Variants in CLIC2 observed in about 807,000 individuals in gnomAD.
CLIC2 encodes chloride intracellular channel protein 2.
CLIC2 carries 9 observed loss-of-function variants against 14.8 expected under a neutral mutation model. The ratio of observed to expected loss-of-function variants is 0.61; its 90% CI spans 0.37 to 1.06. CLIC2 has a LOEUF of 1.06. CLIC2 is among the 50% of genes least tolerant of loss of function. The pLI, the probability that CLIC2 is intolerant of heterozygous loss-of-function variation, is 0.01. For synonymous variants in CLIC2, 61 were observed against 66.3 expected, an observed-to-expected ratio of 0.92 and a Z score of 0.39; for missense variants, 148 against 181.4, an observed-to-expected ratio of 0.82 and a Z score of 1.06.
At chrX:155,320,630 T>C (rs1557321513) in intron 1 of CLIC2, among the ~76,000 whole-genome samples, 1 of 111,052 alleles carries the variant, frequency 9.0e-6, no homozygotes, top group East Asian at 2.8e-4. Context: ...CGTCTGAAAA[T>C]TCCAAAAACC....
At chrX:155,297,855 G>T (rs1371148792) in intron 3 of CLIC2, among the ~76,000 whole-genome samples, 2 of 11,617 alleles carry the variant, frequency 1.7e-4, no homozygotes, top group Non-Finnish European at 3.2e-4. Flanking sequence ...GCGAGACTCC[G>T]GTCTCAAAAA....
chrX:155,315,427 A>G (rs1455515067), intron 1 of CLIC2, among the ~76,000 whole-genome samples: 2 of 112,219 alleles, frequency 1.8e-5, no homozygotes, highest in South Asian at 3.7e-4. Flanking sequence ...GAAACCCTAC[A>G]AGCTAAAAGG....
At chrX:155,297,704 AT>A (rs1171244156) in intron 3 of CLIC2, among the ~76,000 whole-genome samples, 1 of 97,871 alleles carries the variant, frequency 1.0e-5, no homozygotes, top group African/African-American at 3.7e-5. Flanking sequence ...AAAAAAAAAA[AT>A]TAGCCGGGCG....
At chrX:155,288,160 A>G (rs782599724) in intron 3 of CLIC2, among the ~76,000 whole-genome samples, 20 of 111,667 alleles carry the variant, frequency 1.8e-4, no homozygotes, top group Non-Finnish European at 3.2e-4. Flanking sequence ...GGTTGAGAGT[A>G]TGGGGTTTTC....
chrX:155,317,959 T>C (rs1396129539), intron 1 of CLIC2, among the ~76,000 whole-genome samples: 6 of 111,870 alleles, frequency 5.4e-5, no homozygotes, highest in Non-Finnish European at 1.1e-4. Flanking sequence ...AAAAATCACA[T>C]GATCATCTCA....
intron 1 of CLIC2, chrX:155,309,621 C>T (rs1557320342): frequency 3.8e-6 from 1 of 264,095 alleles, no homozygotes; most frequent in East Asian, 1.2e-4. Context: ...AGGTGAAAGG[C>T]ACATCTCACA....
chrX:155,331,557 T>A (rs2075156958), intron 1 of CLIC2, among the ~76,000 whole-genome samples: 1 of 111,590 alleles, frequency 9.0e-6, no homozygotes, highest in Non-Finnish European at 1.9e-5. Flanking sequence ...CCAACTACTG[T>A]GCTTTATACA....
At chrX:155,311,024 A>G (rs2075072428) in intron 1 of CLIC2, among the ~76,000 whole-genome samples, 1 of 111,681 alleles carries the variant, frequency 9.0e-6, no homozygotes, top group Non-Finnish European at 1.9e-5. Flanking sequence ...ATCATTTTTC[A>G]TTCTTAGGTC....
At chrX:155,283,474 C>T (rs1557316748) in intron 3 of CLIC2, among the ~76,000 whole-genome samples, 1 of 111,383 alleles carries the variant, frequency 9.0e-6, no homozygotes, top group Non-Finnish European at 1.9e-5. Flanking sequence ...TACATGTGCA[C>T]AACATGCAGG....
At chrX:155,303,940 C>A (rs1439233926) in intron 1 of CLIC2, among the ~76,000 whole-genome samples, 152 of 105,777 alleles carry the variant, frequency 1.4e-3, no homozygotes, top group African/African-American at 5.1e-3. Context: ...GGGTTTCTGC[C>A]GACAGATCCG....
At chrX:155,322,781 A>G (rs1330737478) in intron 1 of CLIC2, among the ~76,000 whole-genome samples, 7 of 111,652 alleles carry the variant, frequency 6.3e-5, no homozygotes, top group Non-Finnish European at 9.4e-5. Context: ...TTCTTTGAAA[A>G]GATGAACAAA....
At chrX:155,331,662 G>A (rs1262312323) in intron 1 of CLIC2, among the ~76,000 whole-genome samples, 1 of 111,136 alleles carries the variant, frequency 9.0e-6, no homozygotes, top group African/African-American at 3.3e-5. Context: ...GGCTCAGAGA[G>A]GCTGACTTGC....
At chrX:155,296,787 T>C (rs1012317653) in intron 3 of CLIC2, among the ~76,000 whole-genome samples, 3 of 66,848 alleles carry the variant, frequency 4.5e-5, no homozygotes, top group Non-Finnish European at 1.0e-4. Flanking sequence ...AGAATTGCTA[T>C]TATTAAAAAG....
intron 1 of CLIC2, among the ~76,000 whole-genome samples, chrX:155,326,809 C>T (rs1028203029): frequency 2.7e-5 from 3 of 111,075 alleles, no homozygotes; most frequent in Non-Finnish European, 5.7e-5. Context: ...GGGAATTGTG[C>T]TGAGTGGGGA....
intron 1 of CLIC2, among the ~76,000 whole-genome samples, chrX:155,323,760 C>T (rs184269297): frequency 3.6e-5 from 4 of 112,010 alleles, no homozygotes; most frequent in Admixed American, 1.9e-4. Context: ...TTGCAGATGA[C>T]ATGATTGCAT....
intron 3 of CLIC2, among the ~76,000 whole-genome samples, chrX:155,294,804 C>G (rs192753691): frequency 3.6e-5 from 4 of 111,652 alleles, no homozygotes; most frequent in Non-Finnish European, 5.7e-5. Flanking sequence ...AGGAAACATA[C>G]AATGTGCTGA....
chrX:155,327,206 CA>C (rs1557322416), intron 1 of CLIC2, among the ~76,000 whole-genome samples: 2 of 111,149 alleles, frequency 1.8e-5, no homozygotes, highest in African/African-American at 6.5e-5. Flanking sequence ...CACATACATA[CA>C]GATAATATAT....
intron 1 of CLIC2, among the ~76,000 whole-genome samples, chrX:155,325,630 G>A (rs1557322226): frequency 9.4e-6 from 1 of 106,466 alleles, no homozygotes; most frequent in East Asian, 3.0e-4. Context: ...CCTAATGCAT[G>A]TGGAGCCCAA....
intron 3 of CLIC2, 89 bp from the exon 4 acceptor site, chrX:155,280,157 T>G (rs1227034760): frequency 8.4e-6 from 5 of 595,429 alleles, no homozygotes; most frequent in Middle Eastern, 3.1e-4. Flanking sequence ...AAATGGAAGT[T>G]CTGGAACATT....
Sources: allele counts gnomAD v4.1 joint callset (sites outside exome capture counted in the v4.1 genomes callset), GRCh38; gene constraint gnomAD v4.1.1; transcripts MANE v1.5; gene names NCBI Gene and HGNC (gene_info 2026-07-23, HGNC 2026-07-21).